The following TDRD10 variants were observed in gnomAD, a reference collection of about 807,000 sequenced individuals.
The protein encoded by TDRD10 is tudor domain-containing protein 10.
Under a neutral mutation model 48.0 loss-of-function variants are expected in TDRD10, and 40 were observed. That is an observed-to-expected ratio of 0.83 (90% CI 0.65 to 1.09). The LOEUF (loss-of-function observed/expected upper bound fraction) is 1.09. Among genes scored for constraint, TDRD10 ranks in the 50% least tolerant of loss-of-function variants. TDRD10 has a pLI of 0.00. For synonymous variants in TDRD10, 162 were observed against 170.4 expected, an observed-to-expected ratio of 0.95 and a Z score of 0.38; for missense variants, 378 against 434.7, an observed-to-expected ratio of 0.87 and a Z score of 1.16.
intron 11 of TDRD10, 148 bp downstream of exon 11, chr1:154,545,097 C>T: frequency 3.7e-6 from 4 of 1,071,338 alleles, no homozygotes; most frequent in Non-Finnish European, 3.9e-6. Context: ...GCATATGACC[C>T]CTGCAAAGCT....
chr1:154,536,106 A>G (rs1332749102), intron 6 of TDRD10, among the ~76,000 whole-genome samples: 1 of 152,230 alleles, frequency 6.6e-6, no homozygotes, highest in Non-Finnish European at 1.5e-5. Context: ...GGCCGGGCGC[A>G]GTGGCTCACG....
At chr1:154,543,409 G>A (rs762890570) in intron 8 of TDRD10, among the ~76,000 whole-genome samples, 5 of 152,314 alleles carry the variant, frequency 3.3e-5, no homozygotes, top group Admixed American at 2.6e-4. Context: ...CTTTAACAGC[G>A]GATACCGTTC....
intron 1 of TDRD10, among the ~76,000 whole-genome samples, chr1:154,503,247 A>G (rs928111873): frequency 6.6e-6 from 1 of 152,104 alleles, no homozygotes; most frequent in African/African-American, 2.4e-5. Context: ...GGCCACTTTA[A>G]GGGAAAAGAC....
In TDRD10 at chr1:154,521,408, CTG is replaced by C; in HGVS notation, c.300_301del (p.Phe101ArgfsTer13). On this transcript the variant is annotated frameshift_variant, in exon 6 of 13. Transcript: ENST00000368482. LOFTEE classifies it high-confidence loss of function. The part of the protein sequence containing the change: ...LNGKLFHKRK[L>X]FVNTSKRPPK... Reference sequence around the variant, plus strand: ...TGGTAAACTCTTCCACAAGCGAAAACTGTTCGTGAATACAAGCAAAAGGCCCC... The same window carrying C: ...TGGTAAACTCTTCCACAAGCGAAAACTTCGTGAATACAAGCAAAAGGCCCC... 1 of 1,614,198 alleles carries C rather than the reference CTG, an allele frequency of 6.2e-7. No homozygotes were observed. Among genetic ancestry groups the C allele is most frequent in the Non-Finnish European group, 8.5e-7 (1 of 1,180,036 alleles).
chr1:154,518,594 A>T (rs1342060268), intron 4 of TDRD10, among the ~76,000 whole-genome samples: 1 of 151,792 alleles, frequency 6.6e-6, no homozygotes, highest in Non-Finnish European at 1.5e-5. Flanking sequence ...CGCCCGGCTA[A>T]TTTTTTTTGT....
intron 2 of TDRD10, 73 bp downstream of exon 2, chr1:154,506,978 T>G: frequency 6.2e-7 from 1 of 1,613,824 alleles, no homozygotes; most frequent in South Asian, 1.1e-5. Flanking sequence ...CATTCCTGTC[T>G]CACCATGCCC....
intron 4 of TDRD10, among the ~76,000 whole-genome samples, chr1:154,518,806 A>G (rs913838096): frequency 2.0e-5 from 3 of 152,248 alleles, no homozygotes; most frequent in Admixed American, 2.0e-4. Context: ...ATGGATGTGC[A>G]TGGCTGTGTT....
At chr1:154,515,660 C>T (rs1245027045) in intron 4 of TDRD10, among the ~76,000 whole-genome samples, 1 of 152,214 alleles carries the variant, frequency 6.6e-6, no homozygotes, top group Non-Finnish European at 1.5e-5. Flanking sequence ...GTCCTTCCTG[C>T]TCTGTGTCTC....
rs1692839114 is a variant in TDRD10, at chr1:154,502,529, C to T, written c.-528C>T. The T allele has an allele frequency of 6.6e-6, 1 of 152,244 alleles. No homozygotes were observed. 9.4% of individuals were successfully genotyped at this position (152,244 alleles called of 1,614,324 possible). On this transcript the variant is annotated 5_prime_UTR_variant, in exon 1 of 13. Transcript: ENST00000368482. ...GGGGGCGGCGGGGTGAGCGCCATGG[C>T]AGAGGCGGGTCGGGCTGCGAGCTCT...
Position 154,547,817 on chromosome 1 carries a change from G to A in TDRD10, c.*107G>A. The A allele has an allele frequency of 1.4e-6, 2 of 1,387,078 alleles. No homozygotes were observed. Among genetic ancestry groups the A allele is most frequent in the Non-Finnish European group, 2.0e-6 (2 of 982,774 alleles). 85.9% of individuals were successfully genotyped at this position (1,387,078 alleles called of 1,614,324 possible). The stretch of plus-strand genomic sequence containing the variant: ...CTCTTGAGGCCTGGGAGGTGAAAAA[G>A]GCCAGACTGTGCCCAGGATTGATTC... On this transcript the variant is annotated 3_prime_UTR_variant, in exon 13 of 13. Transcript: ENST00000368482.
Position 154,542,607 on chromosome 1 carries a change from G to A in TDRD10, c.413-124G>A, listed in dbSNP as rs917291878. The A allele has an allele frequency of 6.4e-5, 42 of 657,250 alleles. No homozygotes were observed. The Admixed American group carries it at 1.2e-3, about 18-fold the overall frequency. The allele number at this position is 657,250 out of a possible 1,614,324, so 40.7% of individuals were successfully genotyped here. ...AATCTAGAGACTGAGAAGTTGGAGG[G>A]TGCAGCTTCTTGGCCCATTTTATGC... On this transcript the variant is annotated intron_variant, in intron 7 of 12. Coordinates refer to ENST00000368482, the MANE Select transcript of TDRD10 (RefSeq NM_182499.4).
chr1:154,520,108 CT>C (rs1693980934), intron 4 of TDRD10, among the ~76,000 whole-genome samples, 195 bp from the exon 5 acceptor site: 1 of 152,192 alleles, frequency 6.6e-6, no homozygotes, highest in Non-Finnish European at 1.5e-5. Flanking sequence ...CGCTGCTTGG[CT>C]GGTGAGCTTC....
At chr1:154,524,389 A>G (rs1348061952) in intron 6 of TDRD10, among the ~76,000 whole-genome samples, 1 of 151,946 alleles carries the variant, frequency 6.6e-6, no homozygotes, top group Non-Finnish European at 1.5e-5. Flanking sequence ...CTGGTCTCGA[A>G]CTCCTGGGCT....
chr1:154,530,514 C>A (rs1694561154), intron 6 of TDRD10, among the ~76,000 whole-genome samples: 4 of 151,532 alleles, frequency 2.6e-5, no homozygotes, highest in African/African-American at 9.7e-5. Flanking sequence ...AAGTGATTCA[C>A]CTGCCTCAGC....
rs761639630 is a variant in TDRD10, at chr1:154,509,740, C to T, written c.141+1259C>T. 4.5e-6 allele frequency: 4 copies of T among 892,036 alleles called. No individual in the cohort carries two copies. The Admixed American group carries it at 1.9e-4, about 41-fold the overall frequency. The allele number at this position is 892,036 out of a possible 1,614,324, so 55.3% of individuals were successfully genotyped here. On this transcript the variant is annotated intron_variant, in intron 4 of 12. Transcript: ENST00000368482. ...AATCAAAGGGGCAGGTTGGGGGATT[C>T]CTGGCACCTGATAGACGAGCCTACT...
intron 12 of TDRD10, 78 bp from the exon 13 acceptor site, chr1:154,547,600 A>T (rs768954775): frequency 3.1e-6 from 5 of 1,614,028 alleles, no homozygotes; most frequent in Non-Finnish European, 4.2e-6. Flanking sequence ...AGATCAAACG[A>T]ACTGGTTATC....
At chr1:154,520,564 TATC>T (rs1306689805) in intron 5 of TDRD10, among the ~76,000 whole-genome samples, 190 bp downstream of exon 5, 1 of 152,160 alleles carries the variant, frequency 6.6e-6, no homozygotes, top group East Asian at 1.9e-4. Flanking sequence ...AATACTGTCT[TATC>T]AACACAACCC....
chr1:154,519,166 A>G (rs1280760307), intron 4 of TDRD10, among the ~76,000 whole-genome samples: 2 of 152,262 alleles, frequency 1.3e-5, no homozygotes, highest in East Asian at 3.8e-4. Context: ...TAAACTGAAA[A>G]TGCTAAGCAC....
chr1:154,508,565 G>GT, intron 4 of TDRD10, 84 bp downstream of exon 4: 1 of 936,906 alleles, frequency 1.1e-6, no homozygotes, highest in South Asian at 1.3e-5. Context: ...AATTTCCCCA[G>GT]TTTTTAAAGA....
Sources: allele counts gnomAD v4.1 joint callset (sites outside exome capture counted in the v4.1 genomes callset), GRCh38; gene constraint gnomAD v4.1.1; transcripts MANE v1.5; gene names NCBI Gene and HGNC (gene_info 2026-07-23, HGNC 2026-07-21).